The following CYB561 variants were observed in gnomAD, a reference collection of about 807,000 sequenced individuals.
CYB561 encodes the protein cytochrome b561.
CYB561 carries 11 observed loss-of-function variants against 25.3 expected under a neutral mutation model. The observed-to-expected ratio is 0.44, with a 90% CI of 0.27 to 0.72. The LOEUF (loss-of-function observed/expected upper bound fraction) is 0.72, where lower values mean the gene tolerates loss of function less well. Ranked by LOEUF, CYB561 falls within the 30% of genes least tolerant of loss-of-function variation. CYB561 has a pLI of 0.18. For synonymous variants in CYB561, 165 were observed against 158.8 expected, an observed-to-expected ratio of 1.04 and a Z score of -0.29; for missense variants, 295 against 334.9, an observed-to-expected ratio of 0.88 and a Z score of 0.93.
chr17:63,439,541 T>A (rs952152742), intron 1 of CYB561, among the ~76,000 whole-genome samples: 25 of 150,760 alleles, frequency 1.7e-4, no homozygotes, highest in African/African-American at 2.4e-4. Flanking sequence ...TCAAAAAAAA[T>A]TTTTTTTAAT....
At chr17:63,437,653 C>G in intron 1 of CYB561, 93 bp from the exon 2 acceptor site, 2 of 875,726 alleles carry the variant, frequency 2.3e-6, no homozygotes, top group East Asian at 6.5e-5. Context: ...AAGATGCGCA[C>G]AGGCCCCCCG....
At chr17:63,445,140 A>T (rs930880699) in intron 1 of CYB561, among the ~76,000 whole-genome samples, 2 of 152,036 alleles carry the variant, frequency 1.3e-5, no homozygotes. Flanking sequence ...TGCCCTCTGC[A>T]CTCCAGCCTC....
Position 63,433,587 on chromosome 17 carries a change from G to C in CYB561, c.*815C>G, listed in dbSNP as rs1007527422. The C allele has an allele frequency of 7.2e-5, 28 of 387,576 alleles. No homozygotes were observed. The East Asian group carries it at 1.0e-3, about 14-fold the overall frequency. The allele number at this position is 387,576 out of a possible 1,614,324, so 24.0% of individuals were successfully genotyped here. A position where few individuals can be genotyped will look rare whatever the true frequency, so the allele number is the denominator to read the frequency against. ...CCTGAGCAGAGCCTGGGTGAGCCTG[G>C]GAGAGGAAACCAGAGCTGAGCCGCA... On this transcript the variant is annotated 3_prime_UTR_variant, in exon 6 of 6. Transcript: ENST00000360793.
At chr17:63,443,917 A>G (rs12936588) in intron 1 of CYB561, among the ~76,000 whole-genome samples, 1 of 152,244 alleles carries the variant, frequency 6.6e-6, no homozygotes, top group Non-Finnish European at 1.5e-5. Context: ...GACATGAGCC[A>G]GCCCTAAAAT....
chr17:63,443,985 T>C lies in CYB561; in HGVS notation c.-14+2260A>G, dbSNP rs568086464. Among the ~76,000 whole-genome samples the C allele has an allele frequency of 7.2e-5, 11 of 152,002 alleles. No homozygotes were observed. The South Asian group carries it at 2.3e-3, about 32-fold the overall frequency. On this transcript the variant is annotated intron_variant, in intron 1 of 5. Coordinates refer to ENST00000360793, the MANE Select transcript of CYB561 (RefSeq NM_001915.4). The stretch of plus-strand genomic sequence containing the variant: ...TGGACTATACTTGTATTTATACCAA[T>C]GCAGTTGTAAAATATAATTTTTATT...
In CYB561 at chr17:63,434,294, G is replaced by A. The variant is rs573859023; in HGVS notation, c.*108C>T. The A allele has an allele frequency of 6.5e-5, 66 of 1,007,660 alleles. No individual in the cohort carries two copies. The highest frequency in any genetic ancestry group is 8.5e-5 in the Admixed American group (3 of 35,388). 62.4% of individuals were successfully genotyped at this position (1,007,660 alleles called of 1,614,324 possible). On this transcript the variant is annotated 3_prime_UTR_variant, in exon 6 of 6. Coordinates refer to ENST00000360793, the MANE Select transcript of CYB561 (RefSeq NM_001915.4). ...CTCAAACAGATGCAGCTGCACCCAC[G>A]CGCCCGCCTGCTGCCAGAGCCACTC... is the stretch of plus-strand genomic sequence containing the variant.
chr17:63,440,993 C>T (rs911723134), intron 1 of CYB561: 4 of 152,204 alleles, frequency 2.6e-5, no homozygotes, highest in Admixed American at 6.5e-5. Flanking sequence ...CTGGGTGACC[C>T]GGCAACTTCC....
At position 63,434,468 on chromosome 17, in the gene CYB561, C is replaced by T. The variant is rs779614018; in HGVS notation, c.690G>A (p.Ala230=). 1.7e-5 allele frequency: 28 copies of T among 1,608,022 alleles called. No homozygotes were observed. Among genetic ancestry groups the T allele is most frequent in the South Asian group, 7.8e-5 (7 of 89,858 alleles). ...AGTCCATGGAGAGGGCCTGCTCTTCCGCCTGGGAAGGCCGCTTCCAGTCGG... is the reference window on the plus strand; with the variant it reads ...AGTCCATGGAGAGGGCCTGCTCTTCTGCCTGGGAAGGCCGCTTCCAGTCGG... The part of the protein sequence containing the change: ...TRADWKRPSQ[A]EEQALSMDFK... The change falls in exon 6 of 6, where the codon GCG becomes GCA. Residue 230 remains alanine, a synonymous_variant. Coordinates refer to ENST00000360793, the MANE Select transcript of CYB561 (RefSeq NM_001915.4).
Position 63,435,806 on chromosome 17 carries a change from G to C in CYB561, c.302-15C>G, listed in dbSNP as rs375248504. On this transcript the variant is annotated splice_polypyrimidine_tract_variant and intron_variant, in intron 3 of 5. Coordinates refer to ENST00000360793, the MANE Select transcript of CYB561 (RefSeq NM_001915.4). ...CGCCACCAAGCCTGGGCCAGAGACA[G>C]GTCATATGAGGACAGGGTTGGATGT... 3.7e-6 allele frequency: 6 copies of C among 1,611,620 alleles called. No homozygotes were observed. The highest frequency in any genetic ancestry group is 5.1e-6 in the Non-Finnish European group (6 of 1,177,666).
In CYB561 at chr17:63,434,599, A is replaced by C; in HGVS notation, c.564-5T>G. 6.2e-7 allele frequency: 1 copy of C among 1,602,966 alleles called. No individual in the cohort carries two copies. Among genetic ancestry groups the C allele is most frequent in the Non-Finnish European group, 8.5e-7 (1 of 1,176,212 alleles). On this transcript the variant is annotated splice_region_variant and splice_polypyrimidine_tract_variant and intron_variant, in intron 5 of 5. Transcript: ENST00000360793. ...TCAAATGCGCTATACTTGCCCCTGC[A>C]GGGGTGAGAGGAAGGGAGAAGCTGC...
chr17:63,440,686 G>T (rs377405957), intron 1 of CYB561: 1 of 159,200 alleles, frequency 6.3e-6, no homozygotes, highest in Admixed American at 6.5e-5. Context: ...ACCGCGGTGC[G>T]CAGATCACTC....
chr17:63,444,050 C>T (rs1442329303), intron 1 of CYB561, among the ~76,000 whole-genome samples: 2 of 151,540 alleles, frequency 1.3e-5, no homozygotes, highest in Non-Finnish European at 2.9e-5. Context: ...ATGGCAAGAT[C>T]TCGGGTCACC....
In CYB561 at chr17:63,436,202, C is replaced by G. The variant is rs2049298868; in HGVS notation, c.203-50G>C. 2 of 1,592,704 alleles carry G rather than the reference C, an allele frequency of 1.3e-6. No homozygotes were observed. The highest frequency in any genetic ancestry group is 1.7e-5 in the Admixed American group (1 of 58,914). ...TGAGTGCATCCGCCTGTGCGTGAGG[C>G]CTCCTGCCCCAGCAGCAAGGAGGCA... On this transcript the variant is annotated intron_variant, in intron 2 of 5. Coordinates refer to ENST00000360793, the MANE Select transcript of CYB561 (RefSeq NM_001915.4). This position sits in a 1 kb window ranked among gnomAD's most constrained non-coding sequence, Gnocchi z 4.8.
Position 63,434,341 on chromosome 17 carries a change from G to C in CYB561, c.*61C>G, listed in dbSNP as rs1345453047. 3 of 1,437,734 alleles carry C rather than the reference G, an allele frequency of 2.1e-6. No homozygotes were observed. In the Admixed American group the frequency reaches 6.9e-5, roughly 33 times the overall value. The allele number at this position is 1,437,734 out of a possible 1,614,324, so 89.1% of individuals were successfully genotyped here. A position where few individuals can be genotyped will look rare whatever the true frequency, so the allele number is the denominator to read the frequency against. ...ACTCTCCGGAGCCTGCAGTCCTGAAGACGCCTCAGCAGGGGCAGGCAAGAA... is the reference window on the plus strand; with the variant it reads ...ACTCTCCGGAGCCTGCAGTCCTGAACACGCCTCAGCAGGGGCAGGCAAGAA... On this transcript the variant is annotated 3_prime_UTR_variant, in exon 6 of 6. Coordinates refer to ENST00000360793, the MANE Select transcript of CYB561 (RefSeq NM_001915.4).
chr17:63,435,946 G>A, intron 3 of CYB561, 108 bp downstream of exon 3: 3 of 1,597,256 alleles, frequency 1.9e-6, no homozygotes, highest in East Asian at 2.2e-5. Flanking sequence ...TTTGGGGTGG[G>A]GGCGGGCCCA....
chr17:63,441,324 T>C (rs1313891017), intron 1 of CYB561, among the ~76,000 whole-genome samples: 1 of 152,234 alleles, frequency 6.6e-6, no homozygotes, highest in Non-Finnish European at 1.5e-5. Flanking sequence ...ATGTCACCCT[T>C]AAATGACACT....
chr17:63,435,258 G>C lies in CYB561; in HGVS notation c.406-15C>G, dbSNP rs530263235. ...CCCACCAGCCACTAGGATTTGAAAG[G>C]AGACGGTTCCGGGACAGGGCGGCCG... is the stretch of plus-strand genomic sequence containing the variant. On this transcript the variant is annotated splice_polypyrimidine_tract_variant and intron_variant, in intron 4 of 5. Transcript: ENST00000360793. 7.4e-6 allele frequency: 12 copies of C among 1,612,474 alleles called. No individual in the cohort carries two copies. The Admixed American group carries it at 2.0e-4, about 27-fold the overall frequency.
At chr17:63,444,647 C>G (rs575344678) in intron 1 of CYB561, among the ~76,000 whole-genome samples, 12 of 152,164 alleles carry the variant, frequency 7.9e-5, no homozygotes, top group Non-Finnish European at 1.6e-4. Context: ...AGCAGAAGCT[C>G]CTGGGGCTGG....
At chr17:63,441,124 G>A (rs1269001937) in intron 1 of CYB561, among the ~76,000 whole-genome samples, 1 of 152,214 alleles carries the variant, frequency 6.6e-6, no homozygotes, top group African/African-American at 2.4e-5. Context: ...CTCTCTTCTC[G>A]CAGCGACGAC....
Sources: allele counts gnomAD v4.1 joint callset (sites outside exome capture counted in the v4.1 genomes callset), GRCh38; gene constraint gnomAD v4.1.1; non-coding constraint Gnocchi (gnomAD v3.1); transcripts MANE v1.5; gene names NCBI Gene and HGNC (gene_info 2026-07-23, HGNC 2026-07-21).